Variants in LARP1 observed in about 807,000 individuals in gnomAD.
LARP1 encodes la-related protein 1.
A neutral mutation model predicts 122.7 loss-of-function variants in LARP1; 36 were observed. The observed-to-expected ratio is 0.29, with a 90% confidence interval of 0.22 to 0.39. The LOEUF is 0.39. Among genes scored for constraint, LARP1 ranks in the 10% least tolerant of loss-of-function variants. LARP1 has a pLI of 1.00. For synonymous variants in LARP1, 539 were observed against 528.7 expected (o/e 1.02, Z -0.27); for missense variants, 1,040 against 1,403.6 (o/e 0.74, Z 4.14).
intron 16 of LARP1, among the ~76,000 whole-genome samples, chr5:154,810,368 A>G (rs142153127): frequency 0.11 from 17,000 of 151,610 alleles, 1,092 homozygotes; most frequent in African/African-American, 0.17. Context: ...CCCAGGAGGC[A>G]GAGGTTGCAG....
At chr5:154,750,249 T>C (rs1753416205) in intron 1 of LARP1, among the ~76,000 whole-genome samples, 1 of 152,200 alleles carries the variant, frequency 6.6e-6, no homozygotes, top group South Asian at 2.1e-4. Flanking sequence ...GGTGCAGTGG[T>C]GCAATCATGG....
At chr5:154,729,886 A>G (rs573466280) in intron 1 of LARP1, among the ~76,000 whole-genome samples, 15 of 152,224 alleles carry the variant, frequency 9.9e-5, no homozygotes, top group Non-Finnish European at 2.2e-4. Context: ...CTAAGGCAGT[A>G]AATCAATAAC....
intron 1 of LARP1, among the ~76,000 whole-genome samples, chr5:154,747,695 C>T (rs1025922004): frequency 2.7e-5 from 4 of 150,750 alleles, no homozygotes; most frequent in African/African-American, 4.9e-5. Context: ...AGCGAAAATC[C>T]GTCTCAAAAA....
Position 154,805,962 on chromosome 5 carries a change from C to T in LARP1, c.2628C>T (p.Ser876=). 1 of 1,614,188 alleles carries T rather than the reference C, an allele frequency of 6.2e-7. No homozygotes were observed. The highest frequency in any genetic ancestry group is 8.5e-7 in the Non-Finnish European group (1 of 1,180,036). The stretch of plus-strand genomic sequence containing the variant: ...CATTGCCCAAGTTCCAGCATCCTTC[C>T]CATGAACTGCTCAAGGAAAATGGCT... The part of the protein sequence containing the change: ...PQSLPKFQHP[S]HELLKENGFT... The change falls in exon 15 of 19, where the codon TCC becomes TCT. Residue 876 remains serine (S), a synonymous_variant. Coordinates refer to ENST00000518297, the MANE Select transcript of LARP1 (RefSeq NM_033551.3).
At chr5:154,793,362 C>T (rs545864318) in intron 4 of LARP1, among the ~76,000 whole-genome samples, 1 of 152,268 alleles carries the variant, frequency 6.6e-6, no homozygotes, top group Admixed American at 6.5e-5. Context: ...GATTCTGTGG[C>T]CATGGAGACA....
intron 1 of LARP1, among the ~76,000 whole-genome samples, chr5:154,738,140 A>G (rs1314850118): frequency 6.6e-6 from 1 of 152,166 alleles, no homozygotes; most frequent in Non-Finnish European, 1.5e-5. Flanking sequence ...TAGGTAAACC[A>G]TGCGTGTGTG....
chr5:154,771,836 G>T (rs1030030435), intron 1 of LARP1, among the ~76,000 whole-genome samples: 1 of 152,150 alleles, frequency 6.6e-6, no homozygotes, highest in Non-Finnish European at 1.5e-5. Context: ...TTCACGAATG[G>T]CCTTAGGGTC....
chr5:154,710,565 A>C (rs1755166289), upstream of LARP1, among the ~76,000 whole-genome samples: 1 of 152,004 alleles, frequency 6.6e-6, no homozygotes, highest in Non-Finnish European at 1.5e-5. Context: ...GACATGGTGA[A>C]ACCCTGTCTC....
intron 1 of LARP1, among the ~76,000 whole-genome samples, chr5:154,731,083 C>T (rs1756535068): frequency 6.6e-6 from 1 of 152,032 alleles, no homozygotes; most frequent in South Asian, 2.1e-4. Flanking sequence ...CCTTGGCCTC[C>T]CACAATGTTG....
Position 154,803,242 on chromosome 5 carries a change from C to T in LARP1, c.2110-48C>T, listed in dbSNP as rs757231697. The T allele has an allele frequency of 3.1e-6, 5 of 1,612,872 alleles. No homozygotes were observed. In the African/African-American group the frequency reaches 6.7e-5, roughly 22 times the overall value. On this transcript the variant is annotated intron_variant, in intron 11 of 18. Transcript: ENST00000518297. The surrounding 1 kb of genome is among the most constrained non-coding windows in gnomAD (Gnocchi z 4.4). ...TCTTGATTCCTTAAACAGGCTAGAG[C>T]AGCCTGCTTACTTACATCTTTCCCC...
At chr5:154,749,894 C>T (rs144501117) in intron 1 of LARP1, among the ~76,000 whole-genome samples, 3 of 152,302 alleles carry the variant, frequency 2.0e-5, no homozygotes, top group African/African-American at 7.2e-5. Context: ...CTCAAGGAAC[C>T]ATTCCTCCTT....
chr5:154,684,717 A>G (rs1168164431), intron 1 of LARP1, among the ~76,000 whole-genome samples: 1 of 152,110 alleles, frequency 6.6e-6, no homozygotes, highest in African/African-American at 2.4e-5. Flanking sequence ...CCAGCTGCTC[A>G]TCCTCTCTGT....
chr5:154,805,617 G>A (rs371727799), intron 14 of LARP1: 42 of 389,560 alleles, frequency 1.1e-4, no homozygotes, highest in East Asian at 6.5e-4. Flanking sequence ...CATTGGACAC[G>A]TTTCTGCCAT....
At chr5:154,747,163 G>A (rs958811919) in intron 1 of LARP1, among the ~76,000 whole-genome samples, 5 of 152,090 alleles carry the variant, frequency 3.3e-5, no homozygotes, top group African/African-American at 7.2e-5. Context: ...AACATTAGCC[G>A]GGTGAGGTGG....
intron 1 of LARP1, among the ~76,000 whole-genome samples, chr5:154,779,014 A>G (rs920600414): frequency 2.6e-5 from 4 of 151,638 alleles, no homozygotes; most frequent in East Asian, 3.9e-4. Context: ...TGGCAACCAT[A>G]TTCTCTCCCC....
intron 1 of LARP1, among the ~76,000 whole-genome samples, chr5:154,694,420 CA>C (rs1479293818): frequency 4.2e-5 from 3 of 71,302 alleles, no homozygotes; most frequent in African/African-American, 1.7e-4. Flanking sequence ...CATACCTGGC[CA>C]TTTTTTTTTT....
chr5:154,813,320 C>G (rs1036564209), intron 18 of LARP1, among the ~76,000 whole-genome samples: 1 of 152,146 alleles, frequency 6.6e-6, no homozygotes, highest in Admixed American at 6.5e-5. Context: ...GGGAAGGAAA[C>G]GTCTGTCTTC....
upstream of LARP1, among the ~76,000 whole-genome samples, chr5:154,755,025 T>C (rs1432568829): frequency 1.3e-5 from 2 of 151,888 alleles, no homozygotes; most frequent in East Asian, 1.9e-4. Context: ...CCCTTTAAGA[T>C]ACCTCCCCTC....
At chr5:154,745,385 ACT>A (rs1311275947) in intron 1 of LARP1, among the ~76,000 whole-genome samples, 1 of 152,076 alleles carries the variant, frequency 6.6e-6, no homozygotes, top group Non-Finnish European at 1.5e-5. Flanking sequence ...GCTTCTCCTA[ACT>A]CTATGCCAGT....
Sources: allele counts gnomAD v4.1 joint callset (sites outside exome capture counted in the v4.1 genomes callset), GRCh38; gene constraint gnomAD v4.1.1; non-coding constraint Gnocchi (gnomAD v3.1); transcripts MANE v1.5; gene names NCBI Gene and HGNC (gene_info 2026-07-23, HGNC 2026-07-21).